Variants in GALNT14 observed in about 807,000 individuals in gnomAD.
GALNT14 encodes the protein UDP-GalNAc:polypeptide N-acetylgalactosaminyltransferase 14.
A neutral mutation model predicts 77.5 loss-of-function variants in GALNT14; 60 were observed. That is an observed-to-expected ratio of 0.77 (90% CI 0.63 to 0.96). The LOEUF is 0.96. GALNT14 is among the 40% of genes least tolerant of loss of function. The pLI is 0.00. For missense variants in GALNT14, 710 were observed against 731.0 expected (o/e 0.97, Z 0.33); for synonymous variants, 280 against 281.7 (o/e 0.99, Z 0.06).
rs34314257 is a variant in GALNT14, at chr2:31,092,264, CATAT to C, written c.129+45690_129+45693del. Reference sequence around the variant, plus strand: ...CAATTTTCCTTAATAAACTCCCCTTCATATATATATATATATATATCTCCTATTA... The same window carrying C: ...CAATTTTCCTTAATAAACTCCCCTTCATATATATATATATATCTCCTATTA... On this transcript the variant is annotated intron_variant, in intron 1 of 14. Coordinates refer to ENST00000349752, the MANE Select transcript of GALNT14 (RefSeq NM_024572.4). 2.1e-3 allele frequency among the ~76,000 whole-genome samples: 312 copies of C among 147,094 alleles called. 4 individuals carry two copies. Among genetic ancestry groups the C allele is most frequent in the African/African-American group, 7.2e-3 (290 of 40,006 alleles).
chr2:31,004,550 G>A (rs555332362), intron 1 of GALNT14, among the ~76,000 whole-genome samples: 1 of 152,250 alleles, frequency 6.6e-6, no homozygotes, highest in African/African-American at 2.4e-5. Context: ...CAGACAGAGG[G>A]CAGGTCTGCA....
rs1422310831 is a variant in GALNT14, at chr2:30,929,426, G to A, written c.1120C>T (p.Arg374Trp). Residue 374 changes from arginine to tryptophan, a missense_variant, in exon 11 of 15, where the codon CGG becomes TGG. Transcript: ENST00000349752. The stretch of plus-strand genomic sequence containing the variant: ...AAGGGCCTCTCCAGGGCGAATGGCC[G>A]GGCAGCGTAATAGTATTGCTTGTAT... Reference protein sequence around the residue: ...DEYKQYYYAARPFALERPFGN... With the variant: ...DEYKQYYYAAWPFALERPFGN... 5.6e-6 allele frequency: 9 copies of A among 1,614,096 alleles called. No individual in the cohort carries two copies. The highest frequency in any genetic ancestry group is 2.2e-5 in the South Asian group (2 of 91,072).
At chr2:30,904,260 C>G in the GALNT14 span, among the ~76,000 whole-genome samples, 1 of 152,324 alleles carries the variant, frequency 6.6e-6, no homozygotes, top group Middle Eastern at 3.4e-3. Context: ...GCGTGAGCGA[C>G]GCAGAAGACG....
At chr2:31,083,760 G>A (rs960466859) in intron 1 of GALNT14, among the ~76,000 whole-genome samples, 1 of 152,204 alleles carries the variant, frequency 6.6e-6, no homozygotes, top group African/African-American at 2.4e-5. Context: ...GGTTCAGTGG[G>A]CAGGCACTGC....
chr2:31,066,393 C>T (rs1157753454), intron 1 of GALNT14, among the ~76,000 whole-genome samples: 1 of 145,870 alleles, frequency 6.9e-6, no homozygotes, highest in East Asian at 2.0e-4. Context: ...ACTCCAGCAG[C>T]TGCGAAAGGG....
At chr2:31,074,830 G>C (rs771916019) in intron 1 of GALNT14, among the ~76,000 whole-genome samples, 1 of 152,092 alleles carries the variant, frequency 6.6e-6, no homozygotes, top group African/African-American at 2.4e-5. Context: ...TGACTCTCTT[G>C]ACTCAGACTG....
chr2:30,993,857 G>A (rs756811616), intron 1 of GALNT14, among the ~76,000 whole-genome samples: 2 of 152,190 alleles, frequency 1.3e-5, no homozygotes, highest in Admixed American at 6.5e-5. Context: ...CAGCAGAGGA[G>A]GCAAGGGAAT....
chr2:30,896,365 G>A, the GALNT14 span, among the ~76,000 whole-genome samples: 1 of 152,192 alleles, frequency 6.6e-6, no homozygotes, highest in East Asian at 1.9e-4. Flanking sequence ...TATCTTCAGT[G>A]TGAGAGGCAG....
the GALNT14 span, among the ~76,000 whole-genome samples, chr2:30,892,029 G>C: frequency 1.3e-5 from 2 of 152,110 alleles, no homozygotes; most frequent in Non-Finnish European, 2.9e-5. Flanking sequence ...TGACTATTGC[G>C]ATCCCACCAA....
intron 2 of GALNT14, among the ~76,000 whole-genome samples, chr2:30,977,671 C>T (rs758918103): frequency 1.3e-5 from 2 of 152,138 alleles, no homozygotes; most frequent in East Asian, 3.9e-4. Flanking sequence ...AGACTCAGCA[C>T]CCTGAGCTCA....
At chr2:30,907,774 C>T (rs566309088), downstream of GALNT14, among the ~76,000 whole-genome samples, 346 of 148,974 alleles carry the variant, frequency 2.3e-3, 1 homozygote, top group Non-Finnish European at 3.6e-3. Flanking sequence ...GAATTTTAGA[C>T]CAATATCCTT....
intron 2 of GALNT14, among the ~76,000 whole-genome samples, chr2:30,981,498 G>C (rs1335969119): frequency 6.6e-6 from 1 of 152,188 alleles, no homozygotes; most frequent in East Asian, 1.9e-4. Context: ...GGCTAGGAGA[G>C]GTCTGGTGAC....
chr2:31,078,327 T>C (rs2148579105), intron 1 of GALNT14, among the ~76,000 whole-genome samples: 2 of 152,316 alleles, frequency 1.3e-5, no homozygotes, highest in Middle Eastern at 6.8e-3. Flanking sequence ...AAAATGTTAA[T>C]GAGGTTGGAC....
At chr2:31,031,398 A>T (rs1326101436) in intron 1 of GALNT14, among the ~76,000 whole-genome samples, 2 of 152,178 alleles carry the variant, frequency 1.3e-5, no homozygotes, top group Non-Finnish European at 2.9e-5. Context: ...CCAAACAATT[A>T]CTATTAGATA....
At chr2:31,046,493 GC>G (rs1292251635) in intron 1 of GALNT14, among the ~76,000 whole-genome samples, 1 of 152,180 alleles carries the variant, frequency 6.6e-6, no homozygotes, top group Non-Finnish European at 1.5e-5. Flanking sequence ...ATCCCTAAGT[GC>G]TGGGATTACG....
chr2:31,010,475 C>T (rs6723190), intron 1 of GALNT14, among the ~76,000 whole-genome samples: 53,784 of 152,016 alleles, frequency 0.35, 9,671 homozygotes, highest in Middle Eastern at 0.47. Flanking sequence ...ATTAGCCGGG[C>T]GGGGTGGTGA....
intron 1 of GALNT14, among the ~76,000 whole-genome samples, chr2:31,012,326 G>A (rs138603782): frequency 1.5e-3 from 225 of 152,270 alleles, no homozygotes; most frequent in African/African-American, 5.2e-3. Context: ...TGACTTTAAG[G>A]AAGCAAGCAA....
At chr2:31,089,761 C>T (rs1472004417) in intron 1 of GALNT14, among the ~76,000 whole-genome samples, 1 of 152,040 alleles carries the variant, frequency 6.6e-6, no homozygotes, top group Non-Finnish European at 1.5e-5. Context: ...CTAGGGAGCC[C>T]ATATTTCGTG....
At chr2:30,903,511 G>C in the GALNT14 span, among the ~76,000 whole-genome samples, 1 of 152,244 alleles carries the variant, frequency 6.6e-6, no homozygotes, top group African/African-American at 2.4e-5. Context: ...AGTGATGCTG[G>C]AGAGGCCCAC....
Sources: gnomAD v4.1 joint callset for allele counts (sites outside exome capture counted in the v4.1 genomes callset) on GRCh38, gnomAD v4.1.1 for gene constraint, MANE v1.5 for transcripts, NCBI Gene and HGNC (gene_info 2026-07-23, HGNC 2026-07-21) for gene names.